Variants in SDK1 observed in about 807,000 individuals in gnomAD.
SDK1 encodes the protein sidekick cell adhesion molecule 1.
A neutral mutation model predicts 245.5 loss-of-function variants in SDK1; 157 were observed. That is an observed-to-expected ratio of 0.64 (90% CI 0.56 to 0.73). The LOEUF (loss-of-function observed/expected upper bound fraction) is 0.73. Ranked by LOEUF, SDK1 falls within the 30% of genes least tolerant of loss-of-function variation. SDK1 has a pLI of 0.00. For missense variants in SDK1, 3,583 were observed against 3,002.3 expected (o/e 1.19, Z -4.52); for synonymous variants, 1,647 against 1,278.5 (o/e 1.29, Z -6.15).
At position 3,343,699 on chromosome 7, in the gene SDK1, T is replaced by C. The variant is rs1209096054; in HGVS notation, c.298+41815T>C. 1.4e-5 allele frequency among the ~76,000 whole-genome samples: 2 copies of C among 145,388 alleles called. 1 individual carries two copies. Among genetic ancestry groups the C allele is most frequent in the Non-Finnish European group, 3.0e-5 (2 of 66,940 alleles). On this transcript the variant is annotated intron_variant, in intron 1 of 44. Coordinates refer to ENST00000404826, the MANE Select transcript of SDK1 (RefSeq NM_152744.4). ...AGTATTTCTTACAACTGCTTGTGAA[T>C]CTGTAATTATCTCTTAATAAAAAGT...
At chr7:3,397,590 A>AT (rs1475433246) in intron 1 of SDK1, among the ~76,000 whole-genome samples, 3 of 151,312 alleles carry the variant, frequency 2.0e-5, no homozygotes, top group East Asian at 3.9e-4. Flanking sequence ...TATGCAAGTC[A>AT]TTTTTTCTGT....
intron 28 of SDK1, among the ~76,000 whole-genome samples, chr7:4,139,484 T>C (rs1350518954): frequency 1.3e-5 from 2 of 148,854 alleles, no homozygotes; most frequent in East Asian, 4.0e-4. Context: ...TGTATATGTG[T>C]GTGTATATAT....
At chr7:4,114,301 G>C in intron 25 of SDK1, 27 bp downstream of exon 25, 1 of 1,542,986 alleles carries the variant, frequency 6.5e-7, no homozygotes, top group Non-Finnish European at 8.8e-7. Context: ...TCCCATCCTG[G>C]AGACACCGCA....
At chr7:4,064,847 G>A (rs555336832) in intron 19 of SDK1, among the ~76,000 whole-genome samples, 25 of 152,144 alleles carry the variant, frequency 1.6e-4, no homozygotes, top group African/African-American at 4.6e-4. Flanking sequence ...TAGCTTAAAA[G>A]GCCAATCTCA....
At chr7:3,630,480 T>A (rs1205710981) in intron 2 of SDK1, among the ~76,000 whole-genome samples, 1 of 152,104 alleles carries the variant, frequency 6.6e-6, no homozygotes, top group East Asian at 1.9e-4. Context: ...TATTTAAAAA[T>A]TTAAGGTAGG....
At chr7:3,912,835 G>T (rs1438317102) in intron 5 of SDK1, among the ~76,000 whole-genome samples, 1 of 152,184 alleles carries the variant, frequency 6.6e-6, no homozygotes, top group Non-Finnish European at 1.5e-5. Context: ...ATTTATACAT[G>T]GACTTGCTTG....
chr7:3,431,369 T>TTG (rs1779842152), intron 1 of SDK1, among the ~76,000 whole-genome samples: 2 of 151,018 alleles, frequency 1.3e-5, no homozygotes, highest in African/African-American at 4.9e-5. Flanking sequence ...TTTTTTTTTT[T>TTG]TTTTTTTTTT....
chr7:3,653,289 C>G (rs1425276623), intron 4 of SDK1, among the ~76,000 whole-genome samples: 1 of 152,182 alleles, frequency 6.6e-6, no homozygotes, highest in Non-Finnish European at 1.5e-5. Context: ...CCTCCTCACT[C>G]CAGGGTCCAC....
chr7:3,659,489 A>T (rs1254067049), intron 4 of SDK1, among the ~76,000 whole-genome samples: 3 of 152,168 alleles, frequency 2.0e-5, no homozygotes, highest in Admixed American at 6.5e-5. Context: ...AGTGTTTGCA[A>T]AGGAGCTCAG....
intron 4 of SDK1, among the ~76,000 whole-genome samples, chr7:3,790,604 T>G (rs1414071197): frequency 6.6e-6 from 1 of 152,030 alleles, no homozygotes; most frequent in Non-Finnish European, 1.5e-5. Context: ...GGTCGGGAGT[T>G]CGAGATAACC....
chr7:3,349,173 C>T (rs753696815), intron 1 of SDK1, among the ~76,000 whole-genome samples: 4 of 142,560 alleles, frequency 2.8e-5, no homozygotes, highest in Non-Finnish European at 1.5e-5. Flanking sequence ...CTTCAGCTGC[C>T]CTGTGGTTGC....
At chr7:4,195,171 A>T (rs572259918) in intron 35 of SDK1, among the ~76,000 whole-genome samples, 11 of 152,370 alleles carry the variant, frequency 7.2e-5, no homozygotes, top group Admixed American at 5.9e-4. Flanking sequence ...GCTAATTAGC[A>T]TCTGCATCAC....
intron 1 of SDK1, among the ~76,000 whole-genome samples, chr7:3,514,240 A>T (rs193247520): frequency 6.6e-6 from 1 of 152,126 alleles, no homozygotes; most frequent in African/African-American, 2.4e-5. Flanking sequence ...TACAATGGAC[A>T]TTTCTGCATT....
chr7:3,911,024 C>T (rs1779144146), intron 5 of SDK1, among the ~76,000 whole-genome samples: 1 of 152,218 alleles, frequency 6.6e-6, no homozygotes, highest in Non-Finnish European at 1.5e-5. Context: ...CACTGATGCA[C>T]AGCCTTTCCA....
chr7:3,675,052 A>C (rs867011617), intron 4 of SDK1, among the ~76,000 whole-genome samples: 1 of 152,186 alleles, frequency 6.6e-6, no homozygotes, highest in Non-Finnish European at 1.5e-5. Context: ...TTTGCTAGCC[A>C]CGGCTGTAAA....
chr7:4,205,683 AG>A (rs1784175297), intron 35 of SDK1, among the ~76,000 whole-genome samples, 195 bp from the exon 36 acceptor site: 4 of 152,244 alleles, frequency 2.6e-5, no homozygotes. Context: ...GAGAGCTCTT[AG>A]GGGGACACAG....
At chr7:3,757,888 C>G (rs1779982328) in intron 4 of SDK1, among the ~76,000 whole-genome samples, 1 of 152,142 alleles carries the variant, frequency 6.6e-6, no homozygotes, top group South Asian at 2.1e-4. Context: ...TTTCTGGTGA[C>G]CAGCACCCAT....
intron 5 of SDK1, among the ~76,000 whole-genome samples, chr7:3,871,177 A>G (rs1331839282): frequency 6.6e-6 from 1 of 151,742 alleles, no homozygotes; most frequent in Non-Finnish European, 1.5e-5. Context: ...GCTAGTGTAA[A>G]TGGTAGTTTT....
chr7:3,483,720 G>T (rs969288196), intron 1 of SDK1, among the ~76,000 whole-genome samples: 1 of 151,946 alleles, frequency 6.6e-6, no homozygotes, highest in Non-Finnish European at 1.5e-5. Context: ...AAGCATTTTT[G>T]TTAGGAATGG....
Sources: gnomAD v4.1 joint callset for allele counts (sites outside exome capture counted in the v4.1 genomes callset) on GRCh38, gnomAD v4.1.1 for gene constraint, MANE v1.5 for transcripts, NCBI Gene and HGNC (gene_info 2026-07-23, HGNC 2026-07-21) for gene names.